Variants in C17orf78 observed in about 807,000 individuals in gnomAD.
C17orf78 encodes the protein uncharacterized protein C17orf78.
In C17orf78, 27 loss-of-function variants were observed where a neutral mutation model predicts 31.8. The observed-to-expected ratio is 0.85, with a 90% confidence interval of 0.63 to 1.17. The LOEUF (loss-of-function observed/expected upper bound fraction) is 1.17, where lower values mean the gene tolerates loss of function less well. Among genes scored for constraint, C17orf78 ranks in the 50% most tolerant of loss-of-function variants. The probability of loss-of-function intolerance (pLI) is 0.00; values close to 1 mark genes in which losing one functional copy is unlikely to be tolerated. For synonymous variants in C17orf78, 106 were observed against 115.1 expected (o/e 0.92, Z 0.51); for missense variants, 258 against 315.2 (o/e 0.82, Z 1.37).
At position 37,377,973 on chromosome 17, in the gene C17orf78, A is replaced by G. The variant is rs373844455; in HGVS notation, c.145+8A>G. The stretch of plus-strand genomic sequence containing the variant: ...GAGAATTGCAAATGCAAGGTAGGGA[A>G]TGGGTCCTTTCTGGAAAATGATATT... On this transcript the variant is annotated splice_region_variant and intron_variant, in intron 2 of 6. Transcript: ENST00000615133. The G allele has an allele frequency of 9.9e-6, 16 of 1,611,952 alleles. No individual in the cohort carries two copies. Among genetic ancestry groups the G allele is most frequent in the Middle Eastern group, 1.6e-4 (1 of 6,084 alleles).
intron 6 of C17orf78, among the ~76,000 whole-genome samples, chr17:37,390,319 TA>T (rs1568096330): frequency 7.3e-5 from 4 of 55,026 alleles, no homozygotes; most frequent in African/African-American, 1.0e-4. Flanking sequence ...TATATATATA[TA>T]TATATATATA....
chr17:37,381,833 T>C (rs1176405356), intron 3 of C17orf78, among the ~76,000 whole-genome samples: 1 of 151,706 alleles, frequency 6.6e-6, no homozygotes. Context: ...TTCACCGTGT[T>C]GGCCAGGATG....
At position 37,377,938 on chromosome 17, in the gene C17orf78, A is replaced by G; in HGVS notation, c.118A>G (p.Arg40Gly). 1 of 1,613,788 alleles carries G rather than the reference A, an allele frequency of 6.2e-7. No homozygotes were observed. The highest frequency in any genetic ancestry group is 8.5e-7 in the Non-Finnish European group (1 of 1,179,826). The change falls in exon 2 of 7, where the codon AGA becomes GGA. Residue 40 changes from arginine to glycine, a missense_variant. Physicochemically the swap from Arg to Gly is moderately radical, Grantham distance 125. Coordinates refer to ENST00000615133, the MANE Select transcript of C17orf78 (RefSeq NM_173625.5). The stretch of plus-strand genomic sequence containing the variant: ...GCCTGGGATCTTCCCAAAAGACGTG[A>G]GAAGCATCAGAGAATTGCAAATGCA... ...QLPGIFPKDV[R>G]SIRELQMQET...
At chr17:37,389,483 G>C in intron 6 of C17orf78, 121 bp downstream of exon 6, 2 of 1,375,898 alleles carry the variant, frequency 1.5e-6, no homozygotes, top group Non-Finnish European at 1.9e-6. Context: ...GATCACCTGA[G>C]GTGATCGAGA....
Position 37,392,327 on chromosome 17 carries a change from G to A in C17orf78, c.*603G>A, listed in dbSNP as rs895343599. Reference sequence around the variant, plus strand: ...CATTAGTACCCAAGTGAAGTCTTCTGACGATCCAGAATTCCTAAGGTGGCT... The same window carrying A: ...CATTAGTACCCAAGTGAAGTCTTCTAACGATCCAGAATTCCTAAGGTGGCT... On this transcript the variant is annotated 3_prime_UTR_variant, in exon 7 of 7. Transcript: ENST00000615133. The A allele has an allele frequency of 3.3e-5, 5 of 152,282 alleles. No individual in the cohort carries two copies. The highest frequency in any genetic ancestry group is 1.2e-4 in the African/African-American group (5 of 41,452). The allele number at this position is 152,282 out of a possible 1,614,324, so 9.4% of individuals were successfully genotyped here. A position where few individuals can be genotyped will look rare whatever the true frequency, so the allele number is the denominator to read the frequency against.
At chr17:37,378,681 C>T (rs1191642028) in intron 2 of C17orf78, among the ~76,000 whole-genome samples, 1 of 152,180 alleles carries the variant, frequency 6.6e-6, no homozygotes, top group Non-Finnish European at 1.5e-5. Context: ...CCATTGCACT[C>T]CAGCCTGAGC....
intron 2 of C17orf78, among the ~76,000 whole-genome samples, chr17:37,378,446 C>T (rs1355100601): frequency 6.6e-6 from 1 of 152,238 alleles, no homozygotes; most frequent in Non-Finnish European, 1.5e-5. Flanking sequence ...GGCATGGTGG[C>T]TCACACCTGT....
intron 3 of C17orf78, among the ~76,000 whole-genome samples, chr17:37,385,595 T>C (rs2050491568): frequency 6.6e-6 from 1 of 152,194 alleles, no homozygotes; most frequent in African/African-American, 2.4e-5. Flanking sequence ...TAGATTCTAC[T>C]AGACACACTT....
intron 3 of C17orf78, among the ~76,000 whole-genome samples, chr17:37,382,835 G>A (rs2050361740): frequency 1.3e-5 from 2 of 152,032 alleles, no homozygotes; most frequent in Non-Finnish European, 2.9e-5. Context: ...ACTCCAGCCT[G>A]GCGACAGAGC....
intron 1 of C17orf78, among the ~76,000 whole-genome samples, chr17:37,377,248 T>C (rs2050040181): frequency 6.6e-6 from 1 of 152,166 alleles, no homozygotes; most frequent in Non-Finnish European, 1.5e-5. Flanking sequence ...AGACTTTCAT[T>C]AACTTAGTAA....
intron 3 of C17orf78, among the ~76,000 whole-genome samples, chr17:37,381,266 AC>A (rs1221162261): frequency 1.3e-5 from 2 of 151,588 alleles, no homozygotes; most frequent in Non-Finnish European, 1.5e-5. Flanking sequence ...TCTCACTGCA[AC>A]CTCCTCCTCC....
chr17:37,375,993 G>A lies in C17orf78; in HGVS notation c.-100G>A. ...TCAGAGTCTCTCAGGGTCAAACTTG[G>A]TTCCAGCTGCGTGTGGTGAAAGCAA... On this transcript the variant is annotated 5_prime_UTR_variant, in exon 1 of 7. Coordinates refer to ENST00000615133, the MANE Select transcript of C17orf78 (RefSeq NM_173625.5). The A allele has an allele frequency of 9.9e-7, 1 of 1,009,042 alleles. No individual in the cohort carries two copies. The highest frequency in any genetic ancestry group is 1.5e-6 in the Non-Finnish European group (1 of 649,532). 62.5% of individuals were successfully genotyped at this position (1,009,042 alleles called of 1,614,324 possible).
chr17:37,383,381 C>T (rs1341445618), intron 3 of C17orf78, among the ~76,000 whole-genome samples: 1 of 152,134 alleles, frequency 6.6e-6, no homozygotes, highest in Non-Finnish European at 1.5e-5. Context: ...GAAACTCTTC[C>T]TCTTTCCTTC....
chr17:37,391,564 A>T, intron 6 of C17orf78, 83 bp from the exon 7 acceptor site: 2 of 1,247,682 alleles, frequency 1.6e-6, no homozygotes, highest in Non-Finnish European at 2.4e-6. Flanking sequence ...GGGGTTTTGT[A>T]CTTAGCCAGC....
chr17:37,381,830 T>C (rs933210851), intron 3 of C17orf78, among the ~76,000 whole-genome samples: 3 of 151,834 alleles, frequency 2.0e-5, no homozygotes, highest in Admixed American at 6.6e-5. Flanking sequence ...GGTTTCACCG[T>C]GTTGGCCAGG....
intron 6 of C17orf78, 109 bp downstream of exon 6, chr17:37,389,471 T>C: frequency 7.0e-7 from 1 of 1,428,394 alleles, no homozygotes; most frequent in Non-Finnish European, 9.3e-7. Flanking sequence ...CTGAGGCAGG[T>C]GGATCACCTG....
chr17:37,383,866 A>T (rs1279846763), intron 3 of C17orf78, among the ~76,000 whole-genome samples: 1 of 152,168 alleles, frequency 6.6e-6, no homozygotes, highest in African/African-American at 2.4e-5. Context: ...CAACCAATTT[A>T]TGTATGAACT....
At chr17:37,379,509 T>C (rs944031317) in intron 3 of C17orf78, 127 bp downstream of exon 3, 3 of 1,266,684 alleles carry the variant, frequency 2.4e-6, no homozygotes, top group African/African-American at 3.0e-5. Flanking sequence ...GGGTTGTTTG[T>C]TTTTTTTCTT....
chr17:37,377,917 G>C lies in C17orf78; in HGVS notation c.97G>C (p.Gly33Arg). ...DSSCRLEQLPGIFPKDVRSIR... is the reference protein window; with the variant it reads ...DSSCRLEQLPRIFPKDVRSIR... ...CAGTTGCCGACTGGAACAGCTGCCT[G>C]GGATCTTCCCAAAAGACGTGAGAAG... Residue 33 changes from glycine to arginine, a missense_variant, in exon 2 of 7, where the codon GGG becomes CGG. Physicochemically the swap from Gly to Arg is moderately radical, Grantham distance 125. Coordinates refer to ENST00000615133, the MANE Select transcript of C17orf78 (RefSeq NM_173625.5). The C allele has an allele frequency of 6.2e-7, 1 of 1,613,532 alleles. No homozygotes were observed. The highest frequency in any genetic ancestry group is 8.5e-7 in the Non-Finnish European group (1 of 1,179,804).
Sources: gnomAD v4.1 joint callset for allele counts (sites outside exome capture counted in the v4.1 genomes callset) on GRCh38, gnomAD v4.1.1 for gene constraint, MANE v1.5 for transcripts, NCBI Gene and HGNC (gene_info 2026-07-23, HGNC 2026-07-21) for gene names.